Variants in IFT56 observed in about 807,000 individuals in gnomAD.
IFT56 encodes the protein intraflagellar transport protein 56.
chr7:139,140,243 G>A, the IFT56 span, among the ~76,000 whole-genome samples: 40 of 152,228 alleles, frequency 2.6e-4, no homozygotes, highest in East Asian at 7.3e-3. Context: ...AAGAAAAAGG[G>A]CCAGGTGTCT....
At chr7:139,165,116 A>T in the IFT56 span, 227 of 1,599,188 alleles carry the variant, frequency 1.4e-4, no homozygotes, top group Non-Finnish European at 1.9e-4. Flanking sequence ...TAATAGCATG[A>T]TTTCTGTATC....
chr7:139,189,374 T>C, the IFT56 span: 2 of 1,613,568 alleles, frequency 1.2e-6, no homozygotes, highest in Non-Finnish European at 1.7e-6. Flanking sequence ...AACACCCAAG[T>C]AGAATACATG....
At chr7:139,165,167 T>A in the IFT56 span, 1 of 1,613,820 alleles carries the variant, frequency 6.2e-7, no homozygotes, top group Non-Finnish European at 8.5e-7. Flanking sequence ...CTTTGCAGGT[T>A]TTACCTCCCC....
chr7:139,163,069 G>C, the IFT56 span, among the ~76,000 whole-genome samples: 1 of 149,074 alleles, frequency 6.7e-6, no homozygotes, highest in Non-Finnish European at 1.5e-5. Context: ...GATAGGCCGG[G>C]TGCGGTGACT....
chr7:139,167,172 GA>G, the IFT56 span, among the ~76,000 whole-genome samples: 1 of 152,118 alleles, frequency 6.6e-6, no homozygotes, highest in Non-Finnish European at 1.5e-5. Flanking sequence ...TTGGAAATAT[GA>G]AAATTTAGAA....
At chr7:139,148,215 T>G in the IFT56 span, 1 of 1,610,222 alleles carries the variant, frequency 6.2e-7, no homozygotes, top group African/African-American at 1.3e-5. Context: ...GGGAATACCT[T>G]GCCCTTAATG....
the IFT56 span, chr7:139,165,311 C>A: frequency 1.0e-6 from 1 of 958,442 alleles, no homozygotes; most frequent in Non-Finnish European, 1.6e-6. Flanking sequence ...GAACTATTTG[C>A]TTCACTTTTT....
the IFT56 span, among the ~76,000 whole-genome samples, chr7:139,148,693 G>A: frequency 6.6e-6 from 1 of 152,110 alleles, no homozygotes; most frequent in Non-Finnish European, 1.5e-5. Context: ...GGGAGGCCAA[G>A]GCGGGCAGAT....
the IFT56 span, among the ~76,000 whole-genome samples, chr7:139,186,867 G>T: frequency 6.6e-6 from 1 of 151,120 alleles, no homozygotes; most frequent in African/African-American, 2.5e-5. Context: ...GGCTGAGACG[G>T]GTGGATCATG....
At chr7:139,169,412 C>T in the IFT56 span, 13 of 1,483,410 alleles carry the variant, frequency 8.8e-6, no homozygotes, top group South Asian at 2.3e-5. Context: ...ATATATTGAC[C>T]GTGAAGTTTG....
chr7:139,145,180 G>A, the IFT56 span, among the ~76,000 whole-genome samples: 10 of 152,000 alleles, frequency 6.6e-5, no homozygotes, highest in Admixed American at 5.2e-4. Flanking sequence ...AGCTTTCCAG[G>A]GGTCCCAACT....
At chr7:139,134,525 C>G in the IFT56 span, 8 of 1,032,716 alleles carry the variant, frequency 7.7e-6, no homozygotes, top group Non-Finnish European at 1.1e-5. Context: ...GCCTTCGCCT[C>G]TCAAAGTGCT....
the IFT56 span, among the ~76,000 whole-genome samples, chr7:139,159,223 T>C: frequency 6.6e-6 from 1 of 152,182 alleles, no homozygotes; most frequent in African/African-American, 2.4e-5. Context: ...GACAAAACTA[T>C]CTAGGTTTGG....
the IFT56 span, among the ~76,000 whole-genome samples, chr7:139,160,520 C>T: frequency 1.3e-5 from 2 of 151,922 alleles, no homozygotes; most frequent in South Asian, 4.2e-4. Context: ...ACCTCTGCCT[C>T]CCAGGTTCAA....
the IFT56 span, chr7:139,174,162 T>G: frequency 5.1e-6 from 3 of 593,288 alleles, no homozygotes. Flanking sequence ...GCACATGATC[T>G]TCAGTTGCCC....
At chr7:139,161,143 C>A in the IFT56 span, 1 of 804,716 alleles carries the variant, frequency 1.2e-6, no homozygotes, top group East Asian at 2.7e-5. Flanking sequence ...CCAAGGGAAC[C>A]CCTCCTCACT....
chr7:139,144,603 A>C, the IFT56 span, among the ~76,000 whole-genome samples: 44 of 151,972 alleles, frequency 2.9e-4, no homozygotes, highest in African/African-American at 9.6e-4. Context: ...AGTAATATGT[A>C]TGTATGTATG....
the IFT56 span, chr7:139,190,799 T>A: frequency 6.6e-6 from 1 of 152,242 alleles, no homozygotes; most frequent in Non-Finnish European, 1.5e-5. Flanking sequence ...CCTTTGTTTT[T>A]ACACCATATA....
the IFT56 span, chr7:139,140,119 A>G: frequency 1.5e-6 from 1 of 649,196 alleles, no homozygotes; most frequent in Non-Finnish European, 2.5e-6. Context: ...GATATTAGAA[A>G]GCTAAAAAAA....
Sources: gnomAD v4.1 joint callset for allele counts (sites outside exome capture counted in the v4.1 genomes callset) on GRCh38, gnomAD v4.1.1 for gene constraint, MANE v1.5 for transcripts, NCBI Gene and HGNC (gene_info 2026-07-23, HGNC 2026-07-21) for gene names.